Variants in LRP1B observed in about 807,000 individuals in gnomAD.
LRP1B encodes the protein low-density lipoprotein receptor-related protein 1B.
LRP1B carries 217 observed loss-of-function variants against 556.6 expected under a neutral mutation model. That is an observed-to-expected ratio of 0.39 (90% CI 0.35 to 0.44). The LOEUF is 0.44. Among genes scored for constraint, LRP1B ranks in the 20% least tolerant of loss-of-function variants. LRP1B has a pLI of 1.00. For synonymous variants in LRP1B, 2,047 were observed against 1,865.8 expected (o/e 1.10, Z -2.50); for missense variants, 5,053 against 5,620.8 (o/e 0.90, Z 3.23).
chr2:142,106,691 T>G (rs1706757643), intron 1 of LRP1B, among the ~76,000 whole-genome samples: 1 of 152,116 alleles, frequency 6.6e-6, no homozygotes. Flanking sequence ...CTGGAGCAAT[T>G]TAATATGAGG....
At chr2:141,225,786 G>A (rs1322902871) in intron 6 of LRP1B, among the ~76,000 whole-genome samples, 1 of 151,894 alleles carries the variant, frequency 6.6e-6, no homozygotes, top group Admixed American at 6.6e-5. Context: ...TCACAATATT[G>A]TTTAGGAATG....
At chr2:141,020,161 T>C in intron 11 of LRP1B, 59 bp from the exon 12 acceptor site, 1 of 1,111,142 alleles carries the variant, frequency 9.0e-7, no homozygotes, top group Non-Finnish European at 1.2e-6. Flanking sequence ...AAAATTAGTG[T>C]TCACTACTAA....
intron 7 of LRP1B, among the ~76,000 whole-genome samples, chr2:141,125,051 A>G (rs1306293642): frequency 1.3e-5 from 2 of 152,184 alleles, no homozygotes; most frequent in Non-Finnish European, 2.9e-5. Flanking sequence ...ATGGAAATGA[A>G]AAGGGAAAAC....
intron 1 of LRP1B, among the ~76,000 whole-genome samples, chr2:141,988,215 A>G (rs1353558491): frequency 6.6e-6 from 1 of 151,896 alleles, no homozygotes; most frequent in Non-Finnish European, 1.5e-5. Context: ...AAGTCTTAAA[A>G]TGTAAGGTGA....
chr2:141,265,184 A>G (rs948697915), intron 3 of LRP1B, among the ~76,000 whole-genome samples: 3 of 152,196 alleles, frequency 2.0e-5, no homozygotes, highest in Non-Finnish European at 2.9e-5. Context: ...GGAGGGGTCC[A>G]AAGCAGCCTG....
At chr2:140,765,526 AG>A (rs1689072827) in intron 35 of LRP1B, among the ~76,000 whole-genome samples, 1 of 152,164 alleles carries the variant, frequency 6.6e-6, no homozygotes, top group Non-Finnish European at 1.5e-5. Flanking sequence ...AATATCACCC[AG>A]CAGGCAAGGA....
chr2:140,990,774 G>C (rs908431780), intron 16 of LRP1B, among the ~76,000 whole-genome samples: 3 of 152,040 alleles, frequency 2.0e-5, no homozygotes, highest in African/African-American at 7.2e-5. Flanking sequence ...AACTGAATTG[G>C]CATGCTCTTC....
intron 49 of LRP1B, among the ~76,000 whole-genome samples, chr2:140,519,372 A>G (rs1690058965): frequency 6.6e-6 from 1 of 152,234 alleles, no homozygotes; most frequent in Admixed American, 6.5e-5. Context: ...AGGATTCTCT[A>G]TTTAATAAAT....
chr2:141,359,796 ATAACT>A (rs1410004325), intron 3 of LRP1B, among the ~76,000 whole-genome samples: 1 of 144,026 alleles, frequency 6.9e-6, no homozygotes, highest in African/African-American at 2.6e-5. Flanking sequence ...CAAAAAGTAC[ATAACT>A]TAAATATATC....
At chr2:141,586,186 G>T (rs1415241353) in intron 2 of LRP1B, among the ~76,000 whole-genome samples, 1 of 151,976 alleles carries the variant, frequency 6.6e-6, no homozygotes, top group Non-Finnish European at 1.5e-5. Context: ...TGCTTGACAG[G>T]TATTTTTAAT....
rs78317238 is a variant in LRP1B at position 140,960,577 on chromosome 2, A to C, written c.2888-8637T>G. Among the ~76,000 whole-genome samples, 565 of 151,882 alleles carry C rather than the reference A, an allele frequency of 3.7e-3. 5 individuals carry two copies. The highest frequency in any genetic ancestry group is 0.013 in the African/African-American group (533 of 41,512). On this transcript the variant is annotated intron_variant, in intron 18 of 90. Transcript: ENST00000389484. ...AAGAACGTTAAAAAAAGAAGCATGC[A>C]CTCAATGAAAGGGGACCTACGAGAA...
At chr2:141,940,663 C>T (rs993573157) in intron 1 of LRP1B, among the ~76,000 whole-genome samples, 1 of 152,092 alleles carries the variant, frequency 6.6e-6, no homozygotes, top group Admixed American at 6.6e-5. Flanking sequence ...TTCCCTAAAT[C>T]CTTTTACTCT....
At chr2:141,505,400 T>C (rs749916871) in intron 2 of LRP1B, among the ~76,000 whole-genome samples, 8 of 152,112 alleles carry the variant, frequency 5.3e-5, no homozygotes, top group Non-Finnish European at 1.2e-4. Flanking sequence ...CACATACTTC[T>C]GGCATCCATT....
chr2:140,501,938 G>A, intron 54 of LRP1B, 64 bp from the exon 55 acceptor site: 7 of 1,131,248 alleles, frequency 6.2e-6, no homozygotes, highest in South Asian at 1.8e-5. Flanking sequence ...TACAGTTGTT[G>A]AAAACATTCA....
chr2:140,284,728 T>A (rs1268776501), intron 84 of LRP1B, among the ~76,000 whole-genome samples: 1 of 1,004 alleles, frequency 1.0e-3, no homozygotes, highest in African/African-American at 1.0e-3. Flanking sequence ...TGCTTCTAGT[T>A]TTTTTTTTCA....
chr2:141,782,444 T>C (rs1227974400), intron 2 of LRP1B, among the ~76,000 whole-genome samples: 2 of 151,896 alleles, frequency 1.3e-5, no homozygotes, highest in African/African-American at 4.8e-5. Context: ...GACTAGAATT[T>C]AATCATTTTT....
chr2:140,603,078 G>C (rs192325169), intron 41 of LRP1B, among the ~76,000 whole-genome samples: 51 of 152,020 alleles, frequency 3.4e-4, no homozygotes, highest in African/African-American at 1.2e-3. Context: ...ATACCAACCT[G>C]AAACCAAAGG....
At chr2:140,478,443 C>T (rs1016571973) in intron 59 of LRP1B, among the ~76,000 whole-genome samples, 2 of 152,106 alleles carry the variant, frequency 1.3e-5, no homozygotes, top group Admixed American at 6.5e-5. Context: ...GCCACCGTGC[C>T]AATTTAGAAT....
At position 140,270,251 on chromosome 2, in the gene LRP1B, G is replaced by A. The variant is rs1409038024; in HGVS notation, c.13238C>T (p.Pro4413Leu). The stretch of plus-strand genomic sequence containing the variant: ...TTGATTAAATACTCACAGACACACA[G>A]GTACATTTGTCTCGGGGTCCAGCTG... Reference protein sequence around the residue: ...TCQLDPETNVPVCLCSTNWSG... With the variant: ...TCQLDPETNVLVCLCSTNWSG... The change falls in exon 86 of 91, where the codon CCT becomes CTT. Residue 4413 changes from proline (P) to leucine (L), a missense_variant. Physicochemically the swap from Pro to Leu is moderately conservative, Grantham distance 98. This residue lies in a region of LRP1B where 551 missense variants were observed against 592.0 expected (regional missense o/e 0.93). Transcript: ENST00000389484. 1 of 1,610,336 alleles carries A rather than the reference G, an allele frequency of 6.2e-7. No individual in the cohort carries two copies. Among genetic ancestry groups the A allele is most frequent in the Non-Finnish European group, 8.5e-7 (1 of 1,177,224 alleles).
Sources: gnomAD v4.1 joint callset for allele counts (sites outside exome capture counted in the v4.1 genomes callset) on GRCh38, gnomAD v4.1.1 for gene constraint, gnomAD v4.1.1 regional missense constraint, MANE v1.5 for transcripts, NCBI Gene and HGNC (gene_info 2026-07-23, HGNC 2026-07-21) for gene names.